Variants in SHANK2 observed in about 807,000 individuals in gnomAD.
The protein encoded by SHANK2 is SH3 and multiple ankyrin repeat domains 2.
A neutral mutation model predicts 133.7 loss-of-function variants in SHANK2; 43 were observed. That is an observed-to-expected ratio of 0.32 (90% confidence interval 0.25 to 0.41). The LOEUF is 0.41. Ranked by LOEUF, SHANK2 falls within the 10% of genes least tolerant of loss-of-function variation. SHANK2 has a pLI of 1.00. For synonymous variants in SHANK2, 1,017 were observed against 952.8 expected (o/e 1.07, Z -1.24); for missense variants, 1,994 against 2,235.8 (o/e 0.89, Z 2.18).
chr11:70,797,832 TACACACACACAC>T (rs368707688), intron 14 of SHANK2, among the ~76,000 whole-genome samples: 20 of 142,040 alleles, frequency 1.4e-4, no homozygotes, highest in Admixed American at 6.3e-4. Flanking sequence ...TCCACTCTCA[TACACACACACAC>T]ACACACACAC....
At chr11:70,696,283 G>C (rs1190171696) in intron 15 of SHANK2, among the ~76,000 whole-genome samples, 2 of 152,176 alleles carry the variant, frequency 1.3e-5, no homozygotes, top group Non-Finnish European at 1.5e-5. Flanking sequence ...TGTTAGCCAT[G>C]TGTCACACCT....
intron 2 of SHANK2, among the ~76,000 whole-genome samples, chr11:71,166,886 TAAAC>T (rs1186546924): frequency 1.4e-5 from 2 of 141,542 alleles, no homozygotes; most frequent in East Asian, 2.2e-4. Flanking sequence ...GGTCAACAGA[TAAAC>T]AAGTGAACAA....
At position 70,661,627 on chromosome 11, in the gene SHANK2, C is replaced by T. The variant is rs782560579; in HGVS notation, c.1905G>A (p.Glu635=). 2 of 1,614,034 alleles carry T rather than the reference C, an allele frequency of 1.2e-6. No homozygotes were observed. Among genetic ancestry groups the T allele is most frequent in the Admixed American group, 1.7e-5 (1 of 60,022 alleles). ...KTVVLQKKDN[E]GFGFVLRGAK... is the part of the protein sequence containing the mutation. ...CCCCTCGAAGCACGAATCCAAAGCC[C>T]TCATTGTCTTTTTTCTGCAGGACCA... Residue 635 remains glutamate, a synonymous_variant, in exon 16 of 26, where the codon GAG becomes GAA. Coordinates refer to ENST00000601538, the MANE Select transcript of SHANK2 (RefSeq NM_012309.5).
At chr11:70,891,752 A>G (rs1348948492) in intron 11 of SHANK2, among the ~76,000 whole-genome samples, 1 of 151,556 alleles carries the variant, frequency 6.6e-6, no homozygotes, top group East Asian at 1.9e-4. Context: ...GCCAGGCTGC[A>G]CCTCCCCTCT....
intron 2 of SHANK2, among the ~76,000 whole-genome samples, 193 bp from the exon 3 acceptor site, chr11:71,147,531 C>G (rs1295678355): frequency 6.6e-6 from 1 of 152,214 alleles, no homozygotes; most frequent in Non-Finnish European, 1.5e-5. Flanking sequence ...CAAGTCGGCA[C>G]CGCCTGCTCC....
rs115325834 is a variant in SHANK2, at chr11:70,829,243, A to G, written c.1175-8561T>C. ...AAGGACCAAGAAGAGGCCCTGCCCC[A>G]TCTAAACCAGAGAAAAACCCAGAAC... On this transcript the variant is annotated intron_variant, in intron 11 of 25. Transcript: ENST00000601538. 7.8e-3 allele frequency among the ~76,000 whole-genome samples: 1,185 copies of G among 152,276 alleles called. 17 individuals carry two copies. The highest frequency in any genetic ancestry group is 0.027 in the African/African-American group (1,106 of 41,556).
intron 12 of SHANK2, among the ~76,000 whole-genome samples, chr11:70,816,200 A>G (rs1565336815): frequency 6.6e-6 from 1 of 152,224 alleles, no homozygotes; most frequent in Non-Finnish European, 1.5e-5. Context: ...AAGCCACTTA[A>G]TCCACCCAGC....
intron 2 of SHANK2, among the ~76,000 whole-genome samples, chr11:71,155,049 A>G (rs1426257668): frequency 9.0e-3 from 210 of 23,232 alleles, no homozygotes; most frequent in Admixed American, 0.012. Context: ...GCTCCCAGAG[A>G]GGTGGACCTA....
intron 15 of SHANK2, among the ~76,000 whole-genome samples, chr11:70,665,115 T>C (rs1944655043): frequency 6.6e-6 from 1 of 152,218 alleles, no homozygotes; most frequent in Non-Finnish European, 1.5e-5. Flanking sequence ...TAAAACCTTT[T>C]CAGTGATTCC....
intron 10 of SHANK2, among the ~76,000 whole-genome samples, chr11:70,917,377 G>A (rs1444464176): frequency 2.0e-5 from 3 of 152,200 alleles, no homozygotes; most frequent in Non-Finnish European, 4.4e-5. Flanking sequence ...TGCTGGTGAG[G>A]AGAAAAAGGA....
intron 10 of SHANK2, among the ~76,000 whole-genome samples, chr11:70,940,462 C>T (rs1198904565): frequency 6.6e-6 from 1 of 151,784 alleles, no homozygotes; most frequent in Non-Finnish European, 1.5e-5. Context: ...ACCATGCTGG[C>T]CAGGCTGGTC....
intron 15 of SHANK2, among the ~76,000 whole-genome samples, chr11:70,691,240 C>A (rs989628665): frequency 1.3e-5 from 2 of 151,998 alleles, no homozygotes; most frequent in Admixed American, 1.3e-4. Flanking sequence ...AAGGGGCCAG[C>A]CCAGGGAAAC....
intron 17 of SHANK2, chr11:70,570,715 TGGAGTGG>T (rs147721373): frequency 0.24 from 37,082 of 151,796 alleles, 4,650 homozygotes; most frequent in Middle Eastern, 0.31. Flanking sequence ...GTGGGTGTAC[TGGAGTGG>T]GGAGTGGGGA....
intron 7 of SHANK2, among the ~76,000 whole-genome samples, chr11:71,093,995 G>A (rs1951562048): frequency 6.6e-6 from 1 of 152,102 alleles, no homozygotes; most frequent in Non-Finnish European, 1.5e-5. Flanking sequence ...AGCAGCAGGG[G>A]AAGGTGAGGC....
At chr11:70,780,416 C>A (rs189927453) in intron 14 of SHANK2, among the ~76,000 whole-genome samples, 5 of 152,130 alleles carry the variant, frequency 3.3e-5, no homozygotes, top group Admixed American at 6.5e-5. Context: ...AAAATAGAGG[C>A]CTGGCTCTAA....
intron 9 of SHANK2, among the ~76,000 whole-genome samples, chr11:71,069,714 A>T (rs1388800184): frequency 1.3e-5 from 2 of 152,344 alleles, no homozygotes; most frequent in Non-Finnish European, 2.9e-5. Flanking sequence ...TAGCAAGGCA[A>T]GGCAATGGGC....
At chr11:70,528,834 A>G (rs1043022467) in intron 17 of SHANK2, among the ~76,000 whole-genome samples, 45 of 152,150 alleles carry the variant, frequency 3.0e-4, no homozygotes, top group African/African-American at 9.2e-4. Flanking sequence ...GAAGCACAGC[A>G]CCCAGAGGAA....
chr11:70,749,331 G>A (rs1373171137), intron 14 of SHANK2, among the ~76,000 whole-genome samples: 1 of 152,216 alleles, frequency 6.6e-6, no homozygotes, highest in African/African-American at 2.4e-5. Context: ...AGGCACAAAG[G>A]AGTGGAGCAA....
chr11:71,182,140 A>G (rs569493856), intron 2 of SHANK2, among the ~76,000 whole-genome samples: 1 of 151,650 alleles, frequency 6.6e-6, no homozygotes, highest in Non-Finnish European at 1.5e-5. Context: ...CATCTTCTTT[A>G]GGCAAAAAAA....
Sources: allele counts gnomAD v4.1 joint callset (sites outside exome capture counted in the v4.1 genomes callset), GRCh38; gene constraint gnomAD v4.1.1; transcripts MANE v1.5; gene names NCBI Gene and HGNC (gene_info 2026-07-23, HGNC 2026-07-21).